Variants in COL5A1 observed in about 807,000 individuals in gnomAD.
The protein encoded by COL5A1 is collagen type V alpha 1 chain.
In COL5A1, 16 loss-of-function variants were observed where a neutral mutation model predicts 263.7. The ratio of observed to expected loss-of-function variants is 0.06; its 90% CI spans 0.04 to 0.09. The LOEUF (loss-of-function observed/expected upper bound fraction) is 0.09, where lower values mean the gene tolerates loss of function less well. COL5A1 is among the 10% of genes least tolerant of loss of function. The pLI is 1.00. For missense variants in COL5A1, 2,036 were observed against 2,540.5 expected, an observed-to-expected ratio of 0.80 and a Z score of 4.27; for synonymous variants, 1,012 against 1,004.5, an observed-to-expected ratio of 1.01 and a Z score of -0.14.
At chr9:134,736,893 G>A (rs1287651546) in intron 9 of COL5A1, among the ~76,000 whole-genome samples, 1 of 152,240 alleles carries the variant, frequency 6.6e-6, no homozygotes, top group East Asian at 1.9e-4. Context: ...CCCACAGGAC[G>A]AACCTTTCTA....
chr9:134,792,369 T>TTTTATTTA (rs369505493), intron 32 of COL5A1, among the ~76,000 whole-genome samples: 123 of 152,022 alleles, frequency 8.1e-4, no homozygotes, highest in African/African-American at 2.7e-3. Context: ...CAGAGAGGTC[T>TTTTATTTA]TTTATTTATT....
chr9:134,782,206 A>G (rs2132765000), intron 28 of COL5A1, among the ~76,000 whole-genome samples: 1 of 152,130 alleles, frequency 6.6e-6, no homozygotes, highest in Admixed American at 6.5e-5. Flanking sequence ...TTCAGAAAGC[A>G]CTGCCTGTTA....
intron 18 of COL5A1, 77 bp from the exon 19 acceptor site, chr9:134,761,848 A>G (rs1836455272): frequency 1.4e-6 from 2 of 1,430,946 alleles, no homozygotes. Context: ...AGAATTAGAG[A>G]AAAACAAAGT....
chr9:134,703,599 T>C (rs1434491349), intron 4 of COL5A1, among the ~76,000 whole-genome samples: 2 of 150,074 alleles, frequency 1.3e-5, no homozygotes, highest in Admixed American at 6.6e-5. Context: ...GCCCTGCCTC[T>C]GGATGGGAGG....
chr9:134,712,085 G>GTAC (rs1834070277), intron 4 of COL5A1, among the ~76,000 whole-genome samples: 1 of 97,306 alleles, frequency 1.0e-5, no homozygotes, highest in Non-Finnish European at 1.9e-5. Flanking sequence ...CCTCCTTCCT[G>GTAC]CCTTCCTTCT....
At chr9:134,778,573 G>A (rs963209637) in intron 27 of COL5A1, among the ~76,000 whole-genome samples, 3 of 152,200 alleles carry the variant, frequency 2.0e-5, no homozygotes, top group Non-Finnish European at 2.9e-5. Context: ...GCTGTGCCCT[G>A]TCCCCCCAAG....
chr9:134,735,295 T>A (rs1311713248), intron 9 of COL5A1, among the ~76,000 whole-genome samples: 2 of 152,098 alleles, frequency 1.3e-5, no homozygotes, highest in African/African-American at 4.8e-5. Flanking sequence ...AGTGAAGTGA[T>A]CCTGCACCCA....
chr9:134,677,937 G>A lies in COL5A1; in HGVS notation c.110-12975G>A, dbSNP rs149987384. ...GCTGGGGGTCTCAAGATTCTCTGTC[G>A]CCCCATAGCTTGGGTATGGAGGGCC... On this transcript the variant is annotated intron_variant, in intron 1 of 65. Coordinates refer to ENST00000371817, the MANE Select transcript of COL5A1 (RefSeq NM_000093.5). The surrounding 1 kb of genome is among the most constrained non-coding windows in gnomAD (Gnocchi z 4.4). 2.6e-3 allele frequency among the ~76,000 whole-genome samples: 391 copies of A among 152,292 alleles called. 4 individuals are homozygous for A. Among genetic ancestry groups the A allele is most frequent in the African/African-American group, 7.8e-3 (322 of 41,538 alleles).
At chr9:134,720,320 C>T (rs1475587406) in intron 4 of COL5A1, among the ~76,000 whole-genome samples, 2 of 152,230 alleles carry the variant, frequency 1.3e-5, no homozygotes, top group African/African-American at 4.8e-5. Flanking sequence ...CCACCAGCCC[C>T]TGGCCCTTTG....
chr9:134,806,290 G>T lies in COL5A1; in HGVS notation c.3360G>T (p.Gly1120=). The T allele has an allele frequency of 1.3e-6, 2 of 1,547,036 alleles. No homozygotes were observed. Among genetic ancestry groups the T allele is most frequent in the Non-Finnish European group, 1.7e-6 (2 of 1,145,110 alleles). ...CCCCAGGGCCGGCAGGAGAGAAAGG[G>T]GCTCCTGTAAGTACTGCCTTGGATT... is the stretch of plus-strand genomic sequence containing the variant. ...QGPPGPAGEK[G]APGEKGPQGP... is the part of the protein sequence containing the mutation. Residue 1120 remains glycine, a synonymous_variant, in exon 42 of 66, where the codon GGG becomes GGT. Transcript: ENST00000371817.
At chr9:134,744,703 AC>A (rs1479701690) in intron 11 of COL5A1, among the ~76,000 whole-genome samples, 2 of 150,342 alleles carry the variant, frequency 1.3e-5, no homozygotes, top group African/African-American at 5.0e-5. Flanking sequence ...ACACACCCAT[AC>A]ATGCTCTCAC....
chr9:134,668,472 G>GGAGA (rs35324086), intron 1 of COL5A1, among the ~76,000 whole-genome samples: 47,317 of 151,850 alleles, frequency 0.31, 8,258 homozygotes, highest in African/African-American at 0.46. Flanking sequence ...TAGGGTAGCA[G>GGAGA]GAGAGAACAG....
At position 134,794,997 on chromosome 9, in the gene COL5A1, T is replaced by G; in HGVS notation, c.2701-85T>G. ...CTCCTATCCTGCTCTGAATTCACAG[T>G]CTCTCAATAACCCGGGAGACAGCTG... On this transcript the variant is annotated intron_variant, in intron 32 of 65. Coordinates refer to ENST00000371817, the MANE Select transcript of COL5A1 (RefSeq NM_000093.5). The surrounding 1 kb of genome is among the most constrained non-coding windows in gnomAD (Gnocchi z 4.3). The G allele has an allele frequency of 6.9e-7, 1 of 1,457,472 alleles. No homozygotes were observed. Among genetic ancestry groups the G allele is most frequent in the South Asian group, 1.1e-5 (1 of 87,606 alleles). 90.3% of individuals were successfully genotyped at this position (1,457,472 alleles called of 1,614,324 possible).
intron 27 of COL5A1, among the ~76,000 whole-genome samples, chr9:134,777,366 C>T (rs963792167): frequency 1.3e-4 from 20 of 152,352 alleles, no homozygotes; most frequent in Admixed American, 1.3e-3. Flanking sequence ...TGCCCCAATC[C>T]AGCCCTTCCC....
At position 134,812,454 on chromosome 9, in the gene COL5A1, G is replaced by A. The variant is rs745451939; in HGVS notation, c.3696G>A (p.Leu1232=). 6.2e-7 allele frequency: 1 copy of A among 1,614,094 alleles called. No individual in the cohort carries two copies. Among genetic ancestry groups the A allele is most frequent in the South Asian group, 1.1e-5 (1 of 91,080 alleles). Residue 1232 remains leucine (L), a synonymous_variant, in exon 47 of 66, where the codon TTG becomes TTA. Transcript: ENST00000371817. The part of the protein sequence containing the change: ...GPPGPVGLQG[L]PGPPGEKGET... ...GGGAAGTTTCCTGTTCTCAGGGTTTGCCAGGACCTCCAGGCGAGAAGGGTG... is the reference window on the plus strand; with the variant it reads ...GGGAAGTTTCCTGTTCTCAGGGTTTACCAGGACCTCCAGGCGAGAAGGGTG...
chr9:134,772,778 C>T lies in COL5A1; in HGVS notation c.2287-12C>T, dbSNP rs1564449329. ...TGGCACTGACTAATCAATGCTTCTT[C>T]TTTTGTGACAGGGACACCCTGGCAA... On this transcript the variant is annotated splice_polypyrimidine_tract_variant and intron_variant, in intron 25 of 65. Transcript: ENST00000371817. The T allele has an allele frequency of 6.2e-7, 1 of 1,614,084 alleles. No individual in the cohort carries two copies. The highest frequency in any genetic ancestry group is 2.2e-5 in the East Asian group (1 of 44,876).
rs1381403331 is a variant in COL5A1, at chr9:134,758,021, TC to T, written c.1882-217del. ...CTGGGACTTGGGGATGAAAGTCATC[TC>T]CCCCTTTGCAGCCCATGTTCATGTT... On this transcript the variant is annotated intron_variant, in intron 17 of 65. Transcript: ENST00000371817. The surrounding 1 kb of genome is among the most constrained non-coding windows in gnomAD (Gnocchi z 4.1). Among the ~76,000 whole-genome samples the T allele has an allele frequency of 6.6e-6, 1 of 152,048 alleles. No individual in the cohort carries two copies. Among genetic ancestry groups the T allele is most frequent in the Non-Finnish European group, 1.5e-5 (1 of 68,016 alleles).
Position 134,727,305 on chromosome 9 carries a change from G to A in COL5A1, c.694G>A (p.Ala232Thr), listed in dbSNP as rs751948105. 2 of 1,614,054 alleles carry A rather than the reference G, an allele frequency of 1.2e-6. No individual in the cohort carries two copies. Among genetic ancestry groups the A allele is most frequent in the South Asian group, 1.1e-5 (1 of 91,070 alleles). Residue 232 changes from alanine to threonine, a missense_variant, in exon 5 of 66, where the codon GCA becomes ACA. Transcript: ENST00000371817. ...GCTGCTCTTTGTCTCGGACCACCGG[G>A]CAGCTTATGATTACTGTGAGCACTA... ...QQLLFVSDHR[A>T]AYDYCEHYSP...
rs1435665123 is a variant in COL5A1, at chr9:134,841,693, C to T, written c.5371-464C>T. On this transcript the variant is annotated intron_variant, in intron 65 of 65. Coordinates refer to ENST00000371817, the MANE Select transcript of COL5A1 (RefSeq NM_000093.5). The surrounding 1 kb of genome is among the most constrained non-coding windows in gnomAD (Gnocchi z 4.8). ...ACTTGGCTCAAGGCTCTGCCGGTGC[C>T]GCCTCGGACTCCTTCCTTTTCGAAC... Among the ~76,000 whole-genome samples, 12 of 152,088 alleles carry T rather than the reference C, an allele frequency of 7.9e-5. No homozygotes were observed. Among genetic ancestry groups the T allele is most frequent in the Non-Finnish European group, 1.6e-4 (11 of 68,010 alleles).
Sources: allele counts gnomAD v4.1 joint callset (sites outside exome capture counted in the v4.1 genomes callset), GRCh38; gene constraint gnomAD v4.1.1; non-coding constraint Gnocchi (gnomAD v3.1); transcripts MANE v1.5; gene names NCBI Gene and HGNC (gene_info 2026-07-23, HGNC 2026-07-21).